EIF3CL: variants seen among roughly 807,000 people sequenced by gnomAD.
EIF3CL encodes the protein eukaryotic translation initiation factor 3 subunit C-like protein.
For missense variants in EIF3CL, 5 were observed against 56.1 expected, an observed-to-expected ratio of 0.09 and a Z score of 2.91; for synonymous variants, 2 against 19.6, an observed-to-expected ratio of 0.10 and a Z score of 2.37.
intron 15 of EIF3CL, among the ~76,000 whole-genome samples, chr16:28,386,488 G>A (rs1327377895): frequency 3.4e-5 from 1 of 29,368 alleles, no homozygotes; most frequent in African/African-American, 1.4e-4. Flanking sequence ...GGCCGGTTGC[G>A]GTGGCTCATG....
At chr16:28,387,124 C>CA (rs1269306905) in intron 15 of EIF3CL, among the ~76,000 whole-genome samples, 1 of 42,764 alleles carries the variant, frequency 2.3e-5, no homozygotes, top group African/African-American at 1.0e-4. Context: ...CCTCAAAAAA[C>CA]AAAAACAAAA....
At chr16:28,385,837 CA>C (rs1243537556) in intron 15 of EIF3CL, among the ~76,000 whole-genome samples, 1 of 2,006 alleles carries the variant, frequency 5.0e-4, no homozygotes, top group South Asian at 2.4e-3. Flanking sequence ...TAGCAACTTA[CA>C]AAAAAAAAAA....
chr16:28,415,874 CT>C, the EIF3CL span, among the ~76,000 whole-genome samples: 2 of 107,502 alleles, frequency 1.9e-5, no homozygotes, highest in Non-Finnish European at 4.0e-5. Flanking sequence ...CCATCTCCGT[CT>C]CCCTCTCCCC....
At chr16:28,414,866 C>T in the EIF3CL span, 1 of 514,650 alleles carries the variant, frequency 1.9e-6, no homozygotes, top group Non-Finnish European at 3.9e-6. Flanking sequence ...AGATGGACCC[C>T]ACCAAGGCCA....
chr16:28,410,773 G>GT, the EIF3CL span, among the ~76,000 whole-genome samples: 5 of 146,016 alleles, frequency 3.4e-5, no homozygotes, highest in African/African-American at 1.3e-4. Context: ...TGGGGTTTTT[G>GT]TTTTTTGTAG....
the EIF3CL span, chr16:28,414,863 C>T: frequency 1.9e-6 from 1 of 513,328 alleles, no homozygotes; most frequent in Admixed American, 2.2e-5. Context: ...GCAAGATGGA[C>T]CCCACCAAGG....
At chr16:28,416,954 C>G in the EIF3CL span, among the ~76,000 whole-genome samples, 5 of 96,918 alleles carry the variant, frequency 5.2e-5, no homozygotes, top group African/African-American at 1.5e-4. Context: ...GCCCGGCCGC[C>G]CCTACTGGGA....
At chr16:28,405,522 CA>C (rs1331756596), upstream of EIF3CL, among the ~76,000 whole-genome samples, 1 of 41,082 alleles carries the variant, frequency 2.4e-5, no homozygotes, top group East Asian at 5.2e-4. Context: ...TGCACCACCA[CA>C]TCCAGCTAAT....
At position 28,391,972 on chromosome 16, in the gene EIF3CL, AC is replaced by A. The variant is rs759413300; in HGVS notation, c.939+7del. On this transcript the variant is annotated splice_region_variant and intron_variant, in intron 9 of 20. Transcript: ENST00000380876. Reference sequence around the variant, plus strand: ...TTCCCCAATTCATTTTACCTCTGAAACCCTCACCTTAACCAACGGCACTCCG... The same window carrying A: ...TTCCCCAATTCATTTTACCTCTGAAACCTCACCTTAACCAACGGCACTCCG... 5.8e-5 allele frequency: 44 copies of A among 754,262 alleles called. No individual in the cohort carries two copies. Among genetic ancestry groups the A allele is most frequent in the Non-Finnish European group, 8.7e-5 (43 of 491,864 alleles). The allele number at this position is 754,262 out of a possible 1,614,324, so 46.7% of individuals were successfully genotyped here.
At chr16:28,417,142 T>G in the EIF3CL span, among the ~76,000 whole-genome samples, 1 of 104,730 alleles carries the variant, frequency 9.5e-6, no homozygotes, top group Non-Finnish European at 2.0e-5. Context: ...GGAGGGAGGT[T>G]GGGGGGTCAG....
chr16:28,417,296 A>G, the EIF3CL span, among the ~76,000 whole-genome samples: 7 of 148,336 alleles, frequency 4.7e-5, no homozygotes, highest in African/African-American at 7.6e-5. Context: ...CTGACCGGCC[A>G]CCACCCCGTC....
chr16:28,417,049 C>T, the EIF3CL span, among the ~76,000 whole-genome samples: 5 of 3,626 alleles, frequency 1.4e-3, 1 homozygote, highest in East Asian at 0.026. Flanking sequence ...CCAGCCGCCC[C>T]GCCCGGGAGG....
the EIF3CL span, among the ~76,000 whole-genome samples, chr16:28,417,521 A>C: frequency 8.7e-6 from 1 of 115,404 alleles, no homozygotes; most frequent in Non-Finnish European, 1.9e-5. Context: ...CCTTACCCCC[A>C]ACCCTGTGCT....
chr16:28,416,906 C>G, the EIF3CL span, among the ~76,000 whole-genome samples: 2 of 95,268 alleles, frequency 2.1e-5, no homozygotes, highest in East Asian at 3.5e-4. Context: ...CCCCCCCGCC[C>G]GGCCAGCCGC....
chr16:28,417,002 G>A, the EIF3CL span, among the ~76,000 whole-genome samples: 1 of 93,802 alleles, frequency 1.1e-5, no homozygotes, highest in African/African-American at 3.9e-5. Flanking sequence ...CGCCCCGTCC[G>A]GGAGGGAGGT....
chr16:28,425,525 C>T, the EIF3CL span, among the ~76,000 whole-genome samples: 1 of 105,810 alleles, frequency 9.5e-6, no homozygotes, highest in African/African-American at 4.0e-5. Flanking sequence ...AACTCGATGC[C>T]ACAGCACATC....
the EIF3CL span, among the ~76,000 whole-genome samples, chr16:28,417,263 C>G: frequency 1.3e-5 from 2 of 149,578 alleles, no homozygotes; most frequent in Admixed American, 1.3e-4. Flanking sequence ...CCGGCCGCCC[C>G]TACTGGGAAG....
chr16:28,418,640 T>C, the EIF3CL span, among the ~76,000 whole-genome samples: 2 of 63,996 alleles, frequency 3.1e-5, no homozygotes, highest in African/African-American at 2.1e-4. Context: ...ATTCAAGTCT[T>C]TTTTTTTTTG....
At chr16:28,417,495 TC>T in the EIF3CL span, among the ~76,000 whole-genome samples, 1 of 120,542 alleles carries the variant, frequency 8.3e-6, no homozygotes, top group Non-Finnish European at 1.8e-5. Flanking sequence ...TGCCTTGGGA[TC>T]CTGTTGATCT....
Sources: allele counts gnomAD v4.1 joint callset (sites outside exome capture counted in the v4.1 genomes callset), GRCh38; gene constraint gnomAD v4.1.1; transcripts MANE v1.5; gene names NCBI Gene and HGNC (gene_info 2026-07-23, HGNC 2026-07-21).